The following PTPN2 variants were observed in gnomAD, a reference collection of about 807,000 sequenced individuals.
PTPN2 encodes the protein tyrosine-protein phosphatase non-receptor type 2.
In PTPN2, 19 loss-of-function variants were observed where a neutral mutation model predicts 57.3. The ratio of observed to expected loss-of-function variants is 0.33; its 90% CI spans 0.23 to 0.49. PTPN2 has a LOEUF of 0.49. PTPN2 is among the 20% of genes least tolerant of loss of function. PTPN2 has a pLI of 0.99. For missense variants in PTPN2, 358 were observed against 501.1 expected (o/e 0.71, Z 2.73); for synonymous variants, 153 against 164.9 (o/e 0.93, Z 0.55).
intron 4 of PTPN2, among the ~76,000 whole-genome samples, 184 bp from the exon 5 acceptor site, chr18:12,826,128 C>A (rs7235567): frequency 5.3e-5 from 8 of 152,276 alleles, no homozygotes; most frequent in Admixed American, 3.3e-4. Flanking sequence ...TATAGCCGGG[C>A]GCGGTGACTC....
chr18:12,873,847 G>A (rs988846951), intron 1 of PTPN2, among the ~76,000 whole-genome samples: 6 of 152,036 alleles, frequency 3.9e-5, no homozygotes, highest in African/African-American at 9.7e-5. Context: ...AGTGAGGAGC[G>A]TCTCTGCCCG....
At chr18:12,839,159 G>A (rs558131686) in intron 2 of PTPN2, among the ~76,000 whole-genome samples, 54 of 152,240 alleles carry the variant, frequency 3.5e-4, no homozygotes, top group Admixed American at 1.0e-3. Context: ...GAGAAACTGT[G>A]ACTTTATAAT....
At chr18:12,881,657 C>T (rs2044670488) in intron 1 of PTPN2, among the ~76,000 whole-genome samples, 2 of 152,164 alleles carry the variant, frequency 1.3e-5, no homozygotes, top group South Asian at 4.1e-4. Context: ...TTCTCTTCAC[C>T]TCCCTTGTCC....
At chr18:12,832,430 T>G (rs993999483) in intron 3 of PTPN2, among the ~76,000 whole-genome samples, 1 of 152,176 alleles carries the variant, frequency 6.6e-6, no homozygotes, top group Non-Finnish European at 1.5e-5. Context: ...TAAAAGCATC[T>G]TTAGGCCTGG....
At chr18:12,822,116 T>C (rs1244814750) in intron 5 of PTPN2, among the ~76,000 whole-genome samples, 1 of 152,118 alleles carries the variant, frequency 6.6e-6, no homozygotes, top group African/African-American at 2.4e-5. Flanking sequence ...TAGATACATG[T>C]TAGGAGAGAC....
At chr18:12,840,828 C>T (rs1295690382) in intron 2 of PTPN2, 1 of 1,597,508 alleles carries the variant, frequency 6.3e-7, no homozygotes, top group Non-Finnish European at 8.5e-7. Flanking sequence ...TTGCTCTCCA[C>T]TCAGGTGTGA....
Position 12,843,334 on chromosome 18 carries a change from G to A in PTPN2, c.161-6443C>T, listed in dbSNP as rs138378817. Among the ~76,000 whole-genome samples, 562 of 152,166 alleles carry A rather than the reference G, an allele frequency of 3.7e-3. 3 individuals are homozygous for A. Among genetic ancestry groups the A allele is most frequent in the African/African-American group, 0.013 (531 of 41,518 alleles). ...ACAAACCCTCCTTAATACCCTAAGA[G>A]GGTATTAAAGTACAAAATTCCTTGG... On this transcript the variant is annotated intron_variant, in intron 2 of 8. Transcript: ENST00000309660.
chr18:12,840,770 C>T, intron 2 of PTPN2: 1 of 1,598,466 alleles, frequency 6.3e-7, no homozygotes, highest in Non-Finnish European at 8.5e-7. Flanking sequence ...GGTGCCTTTA[C>T]CATCCTTTCC....
chr18:12,828,094 G>T (rs949793126), intron 4 of PTPN2, among the ~76,000 whole-genome samples: 41 of 152,128 alleles, frequency 2.7e-4, no homozygotes, highest in African/African-American at 9.7e-4. Context: ...TTAGACTTTG[G>T]TGGAATACCA....
intron 5 of PTPN2, among the ~76,000 whole-genome samples, chr18:12,824,173 G>C (rs2042367161): frequency 6.6e-6 from 1 of 152,172 alleles, no homozygotes; most frequent in Non-Finnish European, 1.5e-5. Context: ...CATGTAAATG[G>C]AAAGAGTTGG....
In PTPN2 at chr18:12,785,480, CTATT is replaced by C. The variant is rs1598711957; in HGVS notation, c.*339_*342del. ...ATAATGCACACAAACCAACAAAAGA[CTATT>C]TAACAAAAATATTTAATGCTGCCAA... is the stretch of plus-strand genomic sequence containing the variant. On this transcript the variant is annotated 3_prime_UTR_variant, in exon 10 of 10. Transcript: ENST00000327283. 1.2e-5 allele frequency: 4 copies of C among 344,670 alleles called. No individual in the cohort carries two copies. In the East Asian group the frequency reaches 3.0e-4, roughly 26 times the overall value. The allele number at this position is 344,670 out of a possible 1,614,324, so 21.4% of individuals were successfully genotyped here.
downstream of PTPN2, chr18:12,787,598 G>A (rs575481451): frequency 8.7e-4 from 132 of 152,102 alleles, no homozygotes; most frequent in African/African-American, 2.8e-3. Flanking sequence ...AAAAATTCAC[G>A]TTATTATTTC....
At chr18:12,799,563 C>T (rs911767713) in intron 8 of PTPN2, among the ~76,000 whole-genome samples, 2 of 151,786 alleles carry the variant, frequency 1.3e-5, no homozygotes, top group Admixed American at 1.3e-4. Flanking sequence ...TTACTTCACA[C>T]CCTGATCCTA....
intron 8 of PTPN2, among the ~76,000 whole-genome samples, chr18:12,795,044 A>T (rs2041119805): frequency 6.6e-6 from 1 of 152,196 alleles, no homozygotes; most frequent in African/African-American, 2.4e-5. Context: ...CTTTCTTGAC[A>T]CGTGAATTGA....
chr18:12,789,603 T>C (rs1282276495), downstream of PTPN2, among the ~76,000 whole-genome samples: 1 of 152,120 alleles, frequency 6.6e-6, no homozygotes, highest in African/African-American at 2.4e-5. Flanking sequence ...ACCTCAGACA[T>C]CTCCCCTGCA....
chr18:12,818,680 A>C (rs2042163903), intron 5 of PTPN2, among the ~76,000 whole-genome samples: 1 of 150,356 alleles, frequency 6.7e-6, no homozygotes, highest in East Asian at 1.9e-4. Flanking sequence ...TTGAGGGAGG[A>C]GGCATAGAAA....
intron 1 of PTPN2, chr18:12,863,328 G>A (rs1171316166): frequency 1.3e-5 from 2 of 152,092 alleles, no homozygotes; most frequent in Non-Finnish European, 2.9e-5. Context: ...GGATGGTGGT[G>A]TGCATGTGTA....
At chr18:12,867,833 T>C (rs1430624009) in intron 1 of PTPN2, among the ~76,000 whole-genome samples, 1 of 147,842 alleles carries the variant, frequency 6.8e-6, no homozygotes, top group Non-Finnish European at 1.5e-5. Flanking sequence ...AAAAACTCTT[T>C]ACTGTTCTCA....
intron 7 of PTPN2, among the ~76,000 whole-genome samples, chr18:12,805,367 G>C (rs2041603387): frequency 6.6e-6 from 1 of 151,468 alleles, no homozygotes; most frequent in African/African-American, 2.4e-5. Context: ...TGAGGCATGA[G>C]AATCGCTTGA....
Sources: gnomAD v4.1 joint callset for allele counts (sites outside exome capture counted in the v4.1 genomes callset) on GRCh38, gnomAD v4.1.1 for gene constraint, MANE v1.5 for transcripts, NCBI Gene and HGNC (gene_info 2026-07-23, HGNC 2026-07-21) for gene names.